GABRB2: variants seen among roughly 807,000 people sequenced by gnomAD.
GABRB2 encodes the protein gamma-aminobutyric acid receptor subunit beta-2.
Under a neutral mutation model 54.7 loss-of-function variants are expected in GABRB2, and 16 were observed. The observed-to-expected ratio is 0.29, with a 90% CI of 0.20 to 0.44. The LOEUF is 0.44. Among genes scored for constraint, GABRB2 ranks in the 20% least tolerant of loss-of-function variants. The pLI, the probability that GABRB2 is intolerant of heterozygous loss-of-function variation, is 1.00. For synonymous variants in GABRB2, 244 were observed against 233.8 expected, an observed-to-expected ratio of 1.04 and a Z score of -0.40; for missense variants, 355 against 644.0, an observed-to-expected ratio of 0.55 and a Z score of 4.86.
At chr5:161,349,506 C>A (rs765062777) in intron 5 of GABRB2, among the ~76,000 whole-genome samples, 3 of 152,092 alleles carry the variant, frequency 2.0e-5, no homozygotes, top group Admixed American at 6.6e-5. Flanking sequence ...TTCCCCTCCC[C>A]TGGAGTGTAG....
chr5:161,333,470 C>G (rs899494804), intron 7 of GABRB2, among the ~76,000 whole-genome samples: 2 of 152,208 alleles, frequency 1.3e-5, no homozygotes, highest in Non-Finnish European at 2.9e-5. Flanking sequence ...TCTCCTTCCT[C>G]CCATCCTTGA....
At chr5:161,461,684 C>T (rs1301034646) in intron 3 of GABRB2, among the ~76,000 whole-genome samples, 1 of 152,140 alleles carries the variant, frequency 6.6e-6, no homozygotes, top group Admixed American at 6.6e-5. Context: ...ATTTGAAAAG[C>T]ATAATTACAA....
At chr5:161,514,514 T>C (rs1759875002) in intron 3 of GABRB2, among the ~76,000 whole-genome samples, 1 of 152,168 alleles carries the variant, frequency 6.6e-6, no homozygotes, top group Non-Finnish European at 1.5e-5. Flanking sequence ...TTAATGAGTA[T>C]TTGTTGAATA....
intron 4 of GABRB2, among the ~76,000 whole-genome samples, chr5:161,440,056 T>A (rs1269700542): frequency 1.1e-4 from 9 of 85,184 alleles, no homozygotes; most frequent in East Asian, 3.7e-4. Context: ...CATGGTAACC[T>A]CAAACCAAAA....
chr5:161,326,946 A>T, intron 8 of GABRB2: 1 of 967,748 alleles, frequency 1.0e-6, no homozygotes, highest in Non-Finnish European at 1.2e-6. Context: ...AAACAAGGAA[A>T]CAATATAAAG....
intron 3 of GABRB2, among the ~76,000 whole-genome samples, chr5:161,543,322 A>C (rs1235905433): frequency 1.3e-5 from 2 of 152,258 alleles, no homozygotes; most frequent in Non-Finnish European, 2.9e-5. Context: ...GCAAAAAATG[A>C]ATAGAACTTA....
chr5:161,411,582 G>C (rs1756518021), intron 4 of GABRB2, among the ~76,000 whole-genome samples: 1 of 151,942 alleles, frequency 6.6e-6, no homozygotes, highest in African/African-American at 2.4e-5. Flanking sequence ...ACCTGATTTT[G>C]GTATTTTATC....
At chr5:161,420,377 T>C (rs972456196) in intron 4 of GABRB2, among the ~76,000 whole-genome samples, 2 of 152,242 alleles carry the variant, frequency 1.3e-5, no homozygotes, top group African/African-American at 4.8e-5. Flanking sequence ...GCTACACATG[T>C]TGGGTGTCTT....
chr5:161,489,795 T>TA (rs1383681605), intron 3 of GABRB2, among the ~76,000 whole-genome samples: 2 of 151,718 alleles, frequency 1.3e-5, no homozygotes, highest in African/African-American at 4.8e-5. Flanking sequence ...AGTCACTACT[T>TA]ACATTAAGCC....
In GABRB2 at chr5:161,294,726, A is replaced by C. The variant is rs142113282; in HGVS notation, c.1192-298T>G. On this transcript the variant is annotated intron_variant, in intron 9 of 9. Coordinates refer to ENST00000393959, the MANE Select transcript of GABRB2 (RefSeq NM_001371727.1). The stretch of plus-strand genomic sequence containing the variant: ...TTAGTTCTACTTAGGGCACGCAGAG[A>C]AATCGAAGGCATGGTACCCTTTTGA... Among the ~76,000 whole-genome samples, 17 of 152,338 alleles carry C rather than the reference A, an allele frequency of 1.1e-4. No homozygotes were observed. The South Asian group carries it at 2.1e-3, about 19-fold the overall frequency.
chr5:161,389,145 T>G (rs1369863078), intron 5 of GABRB2, among the ~76,000 whole-genome samples: 1 of 152,002 alleles, frequency 6.6e-6, no homozygotes, highest in Non-Finnish European at 1.5e-5. Context: ...AGTTTTCAAT[T>G]CAGTGAACTT....
intron 4 of GABRB2, among the ~76,000 whole-genome samples, chr5:161,424,833 G>C (rs1212019974): frequency 6.6e-6 from 1 of 152,088 alleles, no homozygotes. Context: ...AACCTGGAAA[G>C]AATTCACCAT....
At chr5:161,418,861 T>C (rs983478318) in intron 4 of GABRB2, among the ~76,000 whole-genome samples, 2 of 152,050 alleles carry the variant, frequency 1.3e-5, no homozygotes, top group Non-Finnish European at 1.5e-5. Context: ...GTGCTATGGC[T>C]CACACCTATA....
intron 9 of GABRB2, among the ~76,000 whole-genome samples, chr5:161,319,239 A>G (rs1758136800): frequency 6.6e-6 from 1 of 150,888 alleles, no homozygotes; most frequent in Admixed American, 6.6e-5. Context: ...TTCATAAGAC[A>G]GGTAGATAAA....
At chr5:161,345,635 A>T (rs1368594680) in intron 5 of GABRB2, among the ~76,000 whole-genome samples, 1 of 151,868 alleles carries the variant, frequency 6.6e-6, no homozygotes, top group Non-Finnish European at 1.5e-5. Flanking sequence ...TCAACTTCCA[A>T]CTTTCCCAAG....
chr5:161,320,595 T>G (rs1758181702), intron 9 of GABRB2, among the ~76,000 whole-genome samples: 1 of 151,918 alleles, frequency 6.6e-6, no homozygotes. Flanking sequence ...AAATTCATCT[T>G]TATATAGTAA....
chr5:161,424,639 C>T (rs763978292), intron 4 of GABRB2, among the ~76,000 whole-genome samples: 2 of 152,088 alleles, frequency 1.3e-5, no homozygotes, highest in Non-Finnish European at 2.9e-5. Context: ...CACCCAAGAG[C>T]TCTTATGGAG....
At chr5:161,494,903 T>C (rs562253829) in intron 3 of GABRB2, among the ~76,000 whole-genome samples, 1 of 152,042 alleles carries the variant, frequency 6.6e-6, no homozygotes, top group Admixed American at 6.6e-5. Flanking sequence ...AAATTCTCTC[T>C]ATATAAGTAG....
intron 3 of GABRB2, among the ~76,000 whole-genome samples, chr5:161,537,353 A>G (rs1193339445): frequency 1.3e-5 from 2 of 151,872 alleles, no homozygotes; most frequent in African/African-American, 4.8e-5. Flanking sequence ...GTACACCTAT[A>G]TTTTCCAATC....
Sources: allele counts gnomAD v4.1 joint callset (sites outside exome capture counted in the v4.1 genomes callset), GRCh38; gene constraint gnomAD v4.1.1; transcripts MANE v1.5; gene names NCBI Gene and HGNC (gene_info 2026-07-23, HGNC 2026-07-21).